SNX10: variants seen among roughly 807,000 people sequenced by gnomAD.
The protein encoded by SNX10 is sorting nexin-10.
In SNX10, 25 loss-of-function variants were observed where a neutral mutation model predicts 28.5. That is an observed-to-expected ratio of 0.88 (90% confidence interval 0.64 to 1.22). The LOEUF (loss-of-function observed/expected upper bound fraction) is 1.22, where lower values mean the gene tolerates loss of function less well. Ranked by LOEUF, SNX10 falls within the 50% of genes most tolerant of loss-of-function variation. The pLI is 0.00. For synonymous variants in SNX10, 62 were observed against 81.4 expected (o/e 0.76, Z 1.28); for missense variants, 223 against 242.6 (o/e 0.92, Z 0.54).
intron 1 of SNX10, among the ~76,000 whole-genome samples, chr7:26,341,951 C>CCCTT (rs1273307621): frequency 1.8e-4 from 18 of 102,222 alleles, no homozygotes; most frequent in Admixed American, 3.0e-4. Context: ...TCCCTTCCCT[C>CCCTT]CCCTCCCCTC....
chr7:26,324,934 G>C (rs1487864478), intron 1 of SNX10, among the ~76,000 whole-genome samples: 1 of 152,012 alleles, frequency 6.6e-6, no homozygotes, highest in East Asian at 1.9e-4. Context: ...ACATTTCTTT[G>C]GCTCTTTCAC....
chr7:26,330,571 G>A (rs1787705617), intron 1 of SNX10, among the ~76,000 whole-genome samples: 1 of 152,132 alleles, frequency 6.6e-6, no homozygotes, highest in Non-Finnish European at 1.5e-5. Flanking sequence ...ATAGTGGAAG[G>A]AAGGGTTAGA....
intron 1 of SNX10, among the ~76,000 whole-genome samples, chr7:26,313,009 T>C (rs1411273833): frequency 6.6e-6 from 1 of 152,236 alleles, no homozygotes; most frequent in African/African-American, 2.4e-5. Context: ...ATTCAGATGA[T>C]ATGGCTTGAT....
chr7:26,334,260 G>T (rs996360802), intron 1 of SNX10, among the ~76,000 whole-genome samples: 10 of 152,186 alleles, frequency 6.6e-5, no homozygotes, highest in Non-Finnish European at 2.9e-5. Context: ...GTAATGATCA[G>T]ATCAGGGTAA....
intron 1 of SNX10, among the ~76,000 whole-genome samples, chr7:26,297,135 C>T (rs1342329310): frequency 2.0e-5 from 3 of 152,106 alleles, no homozygotes; most frequent in Non-Finnish European, 4.4e-5. Flanking sequence ...CTCGCTCTGT[C>T]GCCCAAGCTG....
At chr7:26,307,333 TC>T (rs1349440198) in intron 1 of SNX10, among the ~76,000 whole-genome samples, 1 of 152,200 alleles carries the variant, frequency 6.6e-6, no homozygotes, top group Non-Finnish European at 1.5e-5. Flanking sequence ...GCCCCCCTTT[TC>T]CAACTTCCCC....
chr7:26,359,392 ATC>A (rs1788975716), intron 2 of SNX10, among the ~76,000 whole-genome samples: 1 of 152,082 alleles, frequency 6.6e-6, no homozygotes. Context: ...AAAGCCCCCG[ATC>A]TCTCTTTTTC....
chr7:26,364,436 C>T lies in SNX10; in HGVS notation c.112-99C>T. The T allele has an allele frequency of 7.0e-7, 1 of 1,437,108 alleles. No homozygotes were observed. Among genetic ancestry groups the T allele is most frequent in the Non-Finnish European group, 9.2e-7 (1 of 1,090,958 alleles). 89.0% of individuals were successfully genotyped at this position (1,437,108 alleles called of 1,614,324 possible). A position where few individuals can be genotyped will look rare whatever the true frequency, so the allele number is the denominator to read the frequency against. ...AAATATATGTTTGGTGGTTTAAATC[C>T]TATTTAGAGTGAATGTTGAGATCAT... is the stretch of plus-strand genomic sequence containing the variant. On this transcript the variant is annotated intron_variant, in intron 3 of 6. Transcript: ENST00000338523. The surrounding 1 kb of genome is among the most constrained non-coding windows in gnomAD (Gnocchi z 4.9).
chr7:26,333,276 T>C (rs1404448034), intron 1 of SNX10, among the ~76,000 whole-genome samples: 1 of 151,980 alleles, frequency 6.6e-6, no homozygotes, highest in Non-Finnish European at 1.5e-5. Flanking sequence ...TTTCAGAGTA[T>C]ACATTTTGTA....
At chr7:26,331,206 TG>T (rs986939644) in intron 1 of SNX10, among the ~76,000 whole-genome samples, 6 of 148,704 alleles carry the variant, frequency 4.0e-5, no homozygotes, top group African/African-American at 1.5e-4. Context: ...CATAAAGAAA[TG>T]GGTTAGGCTT....
At chr7:26,327,831 G>A (rs1006398913) in intron 1 of SNX10, among the ~76,000 whole-genome samples, 30 of 143,598 alleles carry the variant, frequency 2.1e-4, no homozygotes, top group African/African-American at 7.7e-4. Flanking sequence ...CCGGGTTCAC[G>A]CCATTCTCCT....
At chr7:26,365,948 A>T (rs1789272537) in intron 5 of SNX10, among the ~76,000 whole-genome samples, 1 of 152,196 alleles carries the variant, frequency 6.6e-6, no homozygotes, top group Non-Finnish European at 1.5e-5. Context: ...GTTGTTGAGA[A>T]GATTAGACAA....
At chr7:26,320,839 A>G (rs1787283403) in intron 1 of SNX10, among the ~76,000 whole-genome samples, 1 of 152,176 alleles carries the variant, frequency 6.6e-6, no homozygotes, top group South Asian at 2.1e-4. Flanking sequence ...TGCAGCATGG[A>G]CATCTCTCTA....
intron 1 of SNX10, among the ~76,000 whole-genome samples, chr7:26,338,487 C>T (rs779792509): frequency 2.0e-5 from 3 of 152,100 alleles, no homozygotes; most frequent in South Asian, 2.1e-4. Context: ...AGTGCAGTGG[C>T]GTGATCTTGG....
chr7:26,329,461 C>T (rs1169750953), intron 1 of SNX10, among the ~76,000 whole-genome samples: 1 of 152,210 alleles, frequency 6.6e-6, no homozygotes, highest in Non-Finnish European at 1.5e-5. Context: ...AAAAACATCA[C>T]CCAGTTTTGT....
intron 1 of SNX10, among the ~76,000 whole-genome samples, chr7:26,336,759 T>C (rs1214465933): frequency 6.6e-6 from 1 of 152,246 alleles, no homozygotes; most frequent in Non-Finnish European, 1.5e-5. Flanking sequence ...TCATTTAATA[T>C]TCTTTTATAA....
intron 1 of SNX10, among the ~76,000 whole-genome samples, chr7:26,330,852 C>CA (rs767579238): frequency 3.3e-5 from 5 of 151,822 alleles, no homozygotes; most frequent in Admixed American, 1.3e-4. Flanking sequence ...AGACCTTTCT[C>CA]AAAAAAACAG....
At chr7:26,363,739 A>C (rs1184341479) in intron 3 of SNX10, among the ~76,000 whole-genome samples, 1 of 146,324 alleles carries the variant, frequency 6.8e-6, no homozygotes, top group Non-Finnish European at 1.5e-5. Context: ...AGTCTGCCTT[A>C]GGATAGCTGG....
rs1477793210 is a variant in SNX10 at position 26,292,022 on chromosome 7, A to T, written c.-88A>T. ...TGCCGCCGCGCGCCTTTGAGTCAGC[A>T]AACTCCGCGGCCCGCAAGCCCGGCT... is the stretch of plus-strand genomic sequence containing the variant. On this transcript the variant is annotated 5_prime_UTR_variant, in exon 1 of 7. Coordinates refer to ENST00000338523, the MANE Select transcript of SNX10 (RefSeq NM_013322.3). 6.6e-6 allele frequency: 1 copy of T among 150,492 alleles called. No individual in the cohort carries two copies. The highest frequency in any genetic ancestry group is 1.5e-5 in the Non-Finnish European group (1 of 67,550). The allele number at this position is 150,492 out of a possible 1,614,324, so 9.3% of individuals were successfully genotyped here. A position where few individuals can be genotyped will look rare whatever the true frequency, so the allele number is the denominator to read the frequency against.
Sources: gnomAD v4.1 joint callset for allele counts (sites outside exome capture counted in the v4.1 genomes callset) on GRCh38, gnomAD v4.1.1 for gene constraint, Gnocchi (gnomAD v3.1) non-coding constraint, MANE v1.5 for transcripts, NCBI Gene and HGNC (gene_info 2026-07-23, HGNC 2026-07-21) for gene names.